The following PTK2 variants were observed in gnomAD, a reference collection of about 807,000 sequenced individuals.
The protein encoded by PTK2 is protein tyrosine kinase 2, also known as focal adhesion kinase 1.
A neutral mutation model predicts 150.1 loss-of-function variants in PTK2; 45 were observed. The observed-to-expected ratio is 0.30, with a 90% CI of 0.24 to 0.38. The LOEUF is 0.38. PTK2 is among the 10% of genes least tolerant of loss of function. The pLI is 1.00. For missense variants in PTK2, 919 were observed against 1,307.3 expected (o/e 0.70, Z 4.58); for synonymous variants, 432 against 449.2 (o/e 0.96, Z 0.48).
intron 8 of PTK2, among the ~76,000 whole-genome samples, chr8:140,819,248 C>G (rs1322097304): frequency 1.3e-5 from 2 of 152,130 alleles, no homozygotes; most frequent in African/African-American, 2.4e-5. Flanking sequence ...CCATTTTTAA[C>G]TGTAAAGTTC....
At chr8:140,755,605 G>C (rs532805376) in intron 16 of PTK2, among the ~76,000 whole-genome samples, 69 of 152,248 alleles carry the variant, frequency 4.5e-4, no homozygotes, top group African/African-American at 1.6e-3. Context: ...CATCCCATGT[G>C]GAACAGCATC....
chr8:140,679,209 G>C (rs60339807), intron 27 of PTK2, among the ~76,000 whole-genome samples: 20 of 151,426 alleles, frequency 1.3e-4, no homozygotes, highest in Non-Finnish European at 2.4e-4. Context: ...ATTTTTAGTA[G>C]AGACAGGGTT....
chr8:140,843,410 T>C (rs1046493865), intron 7 of PTK2, among the ~76,000 whole-genome samples: 1 of 152,192 alleles, frequency 6.6e-6, no homozygotes, highest in African/African-American at 2.4e-5. Flanking sequence ...GGTTCTCACA[T>C]AGACTCTATC....
chr8:140,776,051 C>A (rs1160365696), intron 14 of PTK2, among the ~76,000 whole-genome samples: 1 of 152,174 alleles, frequency 6.6e-6, no homozygotes, highest in African/African-American at 2.4e-5. Flanking sequence ...TCCATCCAGG[C>A]TGGAGTGCAG....
chr8:140,686,598 T>C (rs1233707245), intron 27 of PTK2, 34 bp downstream of exon 30: 5 of 1,574,238 alleles, frequency 3.2e-6, no homozygotes, highest in Middle Eastern at 1.7e-4. Context: ...ACAGGAGAAC[T>C]GGAAATCAAA....
At chr8:140,765,657 A>G (rs2100071870) in intron 14 of PTK2, among the ~76,000 whole-genome samples, 1 of 152,208 alleles carries the variant, frequency 6.6e-6, no homozygotes, top group East Asian at 1.9e-4. Flanking sequence ...CAAATCATAC[A>G]TTCTTTTATT....
intron 5 of PTK2, among the ~76,000 whole-genome samples, chr8:140,858,118 A>C (rs966813478): frequency 2.0e-5 from 3 of 152,224 alleles, no homozygotes; most frequent in African/African-American, 7.2e-5. Context: ...ATAAGCAAAA[A>C]AATCAACAAA....
intron 1 of PTK2, among the ~76,000 whole-genome samples, chr8:140,944,400 T>C (rs2100176933): frequency 6.6e-6 from 1 of 152,210 alleles, no homozygotes. Flanking sequence ...TGACTCCCAA[T>C]TGTGCACTGT....
exon 32 of PTK2, chr8:140,658,765 T>G (rs2075657029): frequency 4.5e-6 from 1 of 222,190 alleles, no homozygotes; most frequent in Admixed American, 5.8e-5. Context: ...GAAATAACAT[T>G]GCTACAAAAA....
intron 8 of PTK2, among the ~76,000 whole-genome samples, chr8:140,828,926 T>G (rs552499744): frequency 6.6e-6 from 1 of 152,322 alleles, no homozygotes; most frequent in East Asian, 1.9e-4. Flanking sequence ...CATTTAAAAC[T>G]CTTTGTTCTC....
At chr8:140,660,540 A>G in intron 31 of PTK2, 1 of 447,338 alleles carries the variant, frequency 2.2e-6, no homozygotes, top group South Asian at 1.6e-5. Flanking sequence ...CCTGGGCAAC[A>G]TGGTGAAACC....
chr8:140,866,314 T>C (rs977791662), intron 4 of PTK2, among the ~76,000 whole-genome samples: 2 of 152,194 alleles, frequency 1.3e-5, no homozygotes, highest in East Asian at 3.8e-4. Context: ...AGGTTCAACA[T>C]GAAACAATGG....
intron 30 of PTK2, among the ~76,000 whole-genome samples, chr8:140,666,696 G>T (rs548797525): frequency 1.3e-5 from 2 of 152,116 alleles, no homozygotes; most frequent in Admixed American, 1.3e-4. Flanking sequence ...TGGTGCAGCC[G>T]CTGTGAAAAA....
At chr8:140,942,792 C>T (rs2100176322) in intron 1 of PTK2, among the ~76,000 whole-genome samples, 1 of 152,168 alleles carries the variant, frequency 6.6e-6, no homozygotes, top group African/African-American at 2.4e-5. Context: ...ATCTGTTTCC[C>T]AGCCAAATCT....
intron 1 of PTK2, among the ~76,000 whole-genome samples, chr8:140,968,362 G>A (rs914692377): frequency 3.3e-5 from 5 of 151,926 alleles, no homozygotes; most frequent in East Asian, 1.9e-4. Flanking sequence ...CTGTACTTAT[G>A]AACATCGAGT....
At chr8:140,845,996 T>C (rs2100125184) in intron 7 of PTK2, among the ~76,000 whole-genome samples, 5 of 150,916 alleles carry the variant, frequency 3.3e-5, no homozygotes, top group Admixed American at 2.6e-4. Flanking sequence ...TCAATATAAA[T>C]TAGAAAAAAA....
intron 1 of PTK2, among the ~76,000 whole-genome samples, chr8:140,933,234 G>C (rs910197677): frequency 1.3e-5 from 2 of 149,154 alleles, no homozygotes; most frequent in African/African-American, 4.9e-5. Context: ...CAAGACAGAT[G>C]CAACAGCTGG....
intron 1 of PTK2, chr8:140,940,663 T>G (rs1025718704): frequency 4.6e-5 from 7 of 152,170 alleles, no homozygotes; most frequent in Non-Finnish European, 1.0e-4. Context: ...TGCTGTAGGC[T>G]TAAAATAAAA....
At chr8:140,784,408 AG>A (rs2100083687) in intron 14 of PTK2, among the ~76,000 whole-genome samples, 1 of 152,154 alleles carries the variant, frequency 6.6e-6, no homozygotes, top group Non-Finnish European at 1.5e-5. Flanking sequence ...TGCTTGATCA[AG>A]GGCTTCGTTA....
Sources: allele counts gnomAD v4.1 joint callset (sites outside exome capture counted in the v4.1 genomes callset), GRCh38; gene constraint gnomAD v4.1.1; transcripts MANE v1.5; gene names NCBI Gene and HGNC (gene_info 2026-07-23, HGNC 2026-07-21).